The following CARHSP1 variants were observed in gnomAD, a reference collection of about 807,000 sequenced individuals.
CARHSP1 encodes calcium regulated heat stable protein 1.
A neutral mutation model predicts 12.5 loss-of-function variants in CARHSP1; 14 were observed. The ratio of observed to expected loss-of-function variants is 1.12; its 90% confidence interval spans 0.74 to 1.75. The LOEUF is 1.75. Ranked by LOEUF, CARHSP1 falls within the 40% of genes most tolerant of loss-of-function variation. CARHSP1 has a pLI of 0.00. For missense variants in CARHSP1, 343 were observed against 201.6 expected (o/e 1.70, Z -4.25); for synonymous variants, 161 against 82.0 (o/e 1.96, Z -5.20).
intron 1 of CARHSP1, among the ~76,000 whole-genome samples, chr16:8,866,235 C>A (rs2061452673): frequency 6.6e-6 from 1 of 152,160 alleles, no homozygotes; most frequent in Non-Finnish European, 1.5e-5. Flanking sequence ...ATTACAGGCT[C>A]CAGATTCCTG....
intron 3 of CARHSP1, chr16:8,857,537 C>T (rs1428592310): frequency 1.4e-5 from 2 of 143,606 alleles, no homozygotes; most frequent in Non-Finnish European, 3.0e-5. Flanking sequence ...GGTGATCCGC[C>T]TGCCTCCGCC....
chr16:8,860,229 C>T, intron 1 of CARHSP1: 2 of 985,060 alleles, frequency 2.0e-6, no homozygotes, highest in Non-Finnish European at 2.4e-6. Context: ...CTGCGAGAGC[C>T]CAAAGGGAAA....
chr16:8,867,922 A>T (rs2061476746), intron 1 of CARHSP1: 1 of 152,320 alleles, frequency 6.6e-6, no homozygotes, highest in Non-Finnish European at 1.5e-5. Context: ...CGTGGGGTAG[A>T]TCTAAGCGGA....
At chr16:8,860,547 TC>T in intron 1 of CARHSP1, 1 of 984,688 alleles carries the variant, frequency 1.0e-6, no homozygotes, top group Non-Finnish European at 1.2e-6. Flanking sequence ...GTAAGTCCTT[TC>T]CCATCTCTGG....
At position 8,859,330 on chromosome 16, in the gene CARHSP1, G is replaced by C. The variant is rs751447832; in HGVS notation, c.-2C>G. ...TGGTGGGGGAGGCTCAGATGACATGGCTGACCTGGAAAGAGAAGAGGCTGT... is the reference window on the plus strand; with the variant it reads ...TGGTGGGGGAGGCTCAGATGACATGCCTGACCTGGAAAGAGAAGAGGCTGT... On this transcript the variant is annotated 5_prime_UTR_variant, in exon 2 of 4. Coordinates refer to ENST00000311052, the MANE Select transcript of CARHSP1 (RefSeq NM_014316.4). The C allele has an allele frequency of 6.3e-6, 10 of 1,599,262 alleles. No homozygotes were observed. The East Asian group carries it at 2.0e-4, about 32-fold the overall frequency.
rs1388428245 is a variant in CARHSP1 at position 8,854,833 on chromosome 16, G to C, written c.*331C>G. ...TTCTGTGGGTTGAGCCCATGTGTCT[G>C]AGCAGCTGGAGAAATACCACCCTTG... On this transcript the variant is annotated 3_prime_UTR_variant, in exon 4 of 4. Coordinates refer to ENST00000311052, the MANE Select transcript of CARHSP1 (RefSeq NM_014316.4). 5.1e-6 allele frequency: 1 copy of C among 197,642 alleles called. No homozygotes were observed. The highest frequency in any genetic ancestry group is 2.3e-5 in the African/African-American group (1 of 43,278). The allele number at this position is 197,642 out of a possible 1,614,324, so 12.2% of individuals were successfully genotyped here. A position where few individuals can be genotyped will look rare whatever the true frequency, so the allele number is the denominator to read the frequency against.
chr16:8,854,311 A>C lies in CARHSP1; in HGVS notation c.*853T>G, dbSNP rs563501299. 6.6e-6 allele frequency: 1 copy of C among 152,236 alleles called. No homozygotes were observed. The highest frequency in any genetic ancestry group is 1.9e-4 in the East Asian group (1 of 5,188). The allele number at this position is 152,236 out of a possible 1,614,324, so 9.4% of individuals were successfully genotyped here. A position where few individuals can be genotyped will look rare whatever the true frequency, so the allele number is the denominator to read the frequency against. On this transcript the variant is annotated 3_prime_UTR_variant, in exon 4 of 4. Transcript: ENST00000311052. ...ACTCTTTTCTGGATGGATCGGGACA[A>C]AGTTTTTAAACAAAGACTGTGTCCT... is the stretch of plus-strand genomic sequence containing the variant.
chr16:8,856,115 T>C (rs562100484), intron 3 of CARHSP1, among the ~76,000 whole-genome samples: 2 of 152,206 alleles, frequency 1.3e-5, no homozygotes, highest in Non-Finnish European at 2.9e-5. Flanking sequence ...GGACTCCCGG[T>C]GAGCCTTCAA....
At chr16:8,855,373 C>G (rs761894279) in intron 3 of CARHSP1, 47 bp from the exon 4 acceptor site, 1 of 1,420,088 alleles carries the variant, frequency 7.0e-7, no homozygotes, top group Non-Finnish European at 9.3e-7. Flanking sequence ...CGGGACACAG[C>G]TCCCTTCCCC....
At position 8,859,331 on chromosome 16, in the gene CARHSP1, C is replaced by G. The variant is rs1192172836; in HGVS notation, c.-3G>C. The G allele has an allele frequency of 6.3e-7, 1 of 1,599,652 alleles. No individual in the cohort carries two copies. The highest frequency in any genetic ancestry group is 1.7e-5 in the Admixed American group (1 of 59,090). ...GGTGGGGGAGGCTCAGATGACATGG[C>G]TGACCTGGAAAGAGAAGAGGCTGTC... On this transcript the variant is annotated 5_prime_UTR_variant, in exon 2 of 4. Coordinates refer to ENST00000311052, the MANE Select transcript of CARHSP1 (RefSeq NM_014316.4).
At chr16:8,865,999 G>C (rs964337676) in intron 1 of CARHSP1, among the ~76,000 whole-genome samples, 3 of 152,054 alleles carry the variant, frequency 2.0e-5, no homozygotes, top group African/African-American at 4.8e-5. Flanking sequence ...TGTTACCCAG[G>C]CTGGAGTTTG....
chr16:8,858,978 T>C, intron 2 of CARHSP1, 193 bp downstream of exon 2: 1 of 515,690 alleles, frequency 1.9e-6, no homozygotes, highest in Non-Finnish European at 3.4e-6. Flanking sequence ...TAACAGGTTC[T>C]TCTGGGCTGG....
Position 8,865,371 on chromosome 16 carries a change from A to C in CARHSP1, c.-8+3595T>G, listed in dbSNP as rs918741438. On this transcript the variant is annotated intron_variant, in intron 1 of 3. Transcript: ENST00000311052. ...ATGATTTACCCGCTTCAGCCTCCCA[A>C]AGTCCTCGGATTACAGGCATGAGCC... Among the ~76,000 whole-genome samples, 3 of 152,034 alleles carry C rather than the reference A, an allele frequency of 2.0e-5. No individual in the cohort carries two copies. The East Asian group carries it at 5.8e-4, about 29-fold the overall frequency.
At chr16:8,860,183 G>A in intron 1 of CARHSP1, 1 of 985,452 alleles carries the variant, frequency 1.0e-6, no homozygotes. Context: ...TCCCTGAGCA[G>A]CTGTCACAAG....
At chr16:8,858,214 C>G (rs1462432650) in intron 3 of CARHSP1, 136 bp downstream of exon 3, 5 of 1,051,678 alleles carry the variant, frequency 4.8e-6, no homozygotes, top group Non-Finnish European at 5.4e-6. Context: ...GGAGCACCAG[C>G]CACAGGCAGA....
At chr16:8,858,718 T>C in intron 2 of CARHSP1, 1 of 522,314 alleles carries the variant, frequency 1.9e-6, no homozygotes, top group South Asian at 2.7e-5. Context: ...AAAGAGGGAG[T>C]TGAACTAAAA....
rs201910206 is a variant in CARHSP1, at chr16:8,857,761, T to TA, written c.281+588_281+589insT. The TA allele has an allele frequency of 2.5e-3, 70 of 28,510 alleles. 1 individual carries two copies. Among genetic ancestry groups the TA allele is most frequent in the African/African-American group, 3.8e-3 (45 of 11,810 alleles). The allele number at this position is 28,510 out of a possible 1,614,324, so 1.8% of individuals were successfully genotyped here. ...CCTGTCACCACGCCCTGCTCATTAT[T>TA]TTTTTTTTTTTTTTTTTGAGATGGA... On this transcript the variant is annotated intron_variant, in intron 3 of 3. Transcript: ENST00000311052.
In CARHSP1 at chr16:8,858,460, A is replaced by C; in HGVS notation, c.171T>G (p.Ala57=). 1 of 1,613,850 alleles carries C rather than the reference A, an allele frequency of 6.2e-7. No homozygotes were observed. The highest frequency in any genetic ancestry group is 8.5e-7 in the Non-Finnish European group (1 of 1,180,010). ...CTCCTTTGTAGACGGGGCCCTGTGAAGCCCGCACCGTCCTGACAGAGAGGG... is the reference window on the plus strand; with the variant it reads ...CTCCTTTGTAGACGGGGCCCTGTGACGCCCGCACCGTCCTGACAGAGAGGG... ...RTRTFSATVR[A]SQGPVYKGVC... The change falls in exon 3 of 4, where the codon GCT becomes GCG. Residue 57 remains alanine, a synonymous_variant. Coordinates refer to ENST00000311052, the MANE Select transcript of CARHSP1 (RefSeq NM_014316.4).
Position 8,860,466 on chromosome 16 carries a change from G to A in CARHSP1, c.-7-1131C>T, listed in dbSNP as rs144286722. The A allele has an allele frequency of 4.1e-6, 4 of 985,420 alleles. No individual in the cohort carries two copies. The African/African-American group carries it at 7.0e-5, about 17-fold the overall frequency. The allele number at this position is 985,420 out of a possible 1,614,324, so 61.0% of individuals were successfully genotyped here. A position where few individuals can be genotyped will look rare whatever the true frequency, so the allele number is the denominator to read the frequency against. ...ATCACTGAACATTGAATATGAAGGT[G>A]TCGGCTCTAACGTGGCCTCAGCTCG... On this transcript the variant is annotated intron_variant, in intron 1 of 3. Transcript: ENST00000311052.
Sources: gnomAD v4.1 joint callset for allele counts (sites outside exome capture counted in the v4.1 genomes callset) on GRCh38, gnomAD v4.1.1 for gene constraint, MANE v1.5 for transcripts, NCBI Gene and HGNC (gene_info 2026-07-23, HGNC 2026-07-21) for gene names.